Variants in SYNE2 observed in about 807,000 individuals in gnomAD.
SYNE2 encodes spectrin repeat containing nuclear envelope protein 2, also known as nesprin-2.
In SYNE2, 431 loss-of-function variants were observed where a neutral mutation model predicts 856.3. That is an observed-to-expected ratio of 0.50 (90% CI 0.47 to 0.55). The LOEUF (loss-of-function observed/expected upper bound fraction) is 0.55, where lower values mean the gene tolerates loss of function less well. SYNE2 is among the 20% of genes least tolerant of loss of function. The pLI, the probability that SYNE2 is intolerant of heterozygous loss-of-function variation, is 0.00. For missense variants in SYNE2, 8,129 were observed against 8,023.2 expected, an observed-to-expected ratio of 1.01 and a Z score of -0.50; for synonymous variants, 2,923 against 2,872.3, an observed-to-expected ratio of 1.02 and a Z score of -0.56.
At chr14:64,028,032 C>T (rs573824325) in intron 43 of SYNE2, among the ~76,000 whole-genome samples, 7 of 152,028 alleles carry the variant, frequency 4.6e-5, no homozygotes, top group Middle Eastern at 3.4e-3. Context: ...TTCAGCCTCC[C>T]GGGTTGGGAC....
At chr14:63,899,713 G>T (rs1176407480) in intron 1 of SYNE2, among the ~76,000 whole-genome samples, 1 of 152,076 alleles carries the variant, frequency 6.6e-6, no homozygotes, top group African/African-American at 2.4e-5. Context: ...TGTTGCCTAG[G>T]CTGGTCTAGA....
In SYNE2 at chr14:63,994,054, T is replaced by A. The variant is rs867776099; in HGVS notation, c.2781+85T>A. 6 of 1,426,034 alleles carry A rather than the reference T, an allele frequency of 4.2e-6. No homozygotes were observed. The Middle Eastern group carries it at 8.9e-4, about 211-fold the overall frequency. The allele number at this position is 1,426,034 out of a possible 1,614,324, so 88.3% of individuals were successfully genotyped here. A position where few individuals can be genotyped will look rare whatever the true frequency, so the allele number is the denominator to read the frequency against. ...GTTGTCAGAGCCATTCCTGGGGTTTTCCTGTCTACGTTGTATCACCAGTGG... is the reference window on the plus strand; with the variant it reads ...GTTGTCAGAGCCATTCCTGGGGTTTACCTGTCTACGTTGTATCACCAGTGG... On this transcript the variant is annotated intron_variant, in intron 22 of 115. Coordinates refer to ENST00000555002, the MANE Select transcript of SYNE2 (RefSeq NM_182914.3).
chr14:63,807,820 TA>T (rs1888427552), intron 1 of SYNE2, among the ~76,000 whole-genome samples: 1 of 8,458 alleles, frequency 1.2e-4, no homozygotes, highest in African/African-American at 7.6e-4. Flanking sequence ...ACTCCAGGCT[TA>T]TATATATATA....
intron 1 of SYNE2, among the ~76,000 whole-genome samples, chr14:63,856,187 T>G (rs1891683924): frequency 6.6e-6 from 1 of 152,162 alleles, no homozygotes; most frequent in Non-Finnish European, 1.5e-5. Flanking sequence ...AGGGTGGAAA[T>G]CAGGTGTCAG....
intron 1 of SYNE2, among the ~76,000 whole-genome samples, chr14:63,768,331 T>G (rs1245623826): frequency 6.6e-6 from 1 of 152,080 alleles, no homozygotes; most frequent in Admixed American, 6.6e-5. Context: ...AAAAATCCAG[T>G]AAAAAACGTC....
Position 64,048,030 on chromosome 14 carries a change from C to G in SYNE2, c.7252C>G (p.Gln2418Glu). 6.2e-7 allele frequency: 1 copy of G among 1,613,794 alleles called. No individual in the cohort carries two copies. The highest frequency in any genetic ancestry group is 8.5e-7 in the Non-Finnish European group (1 of 1,179,842). ...DSAVEMAMSK[Q>E]LSLNAQESMK... is the part of the protein sequence containing the mutation. ...AGCTGTGGAAATGGCTATGTCAAAA[C>G]AACTTTCTCTTAATGCTCAAGAAAG... The change falls in exon 46 of 116, where the codon CAA (glutamine) becomes GAA (glutamate). Residue 2418 changes from glutamine (Q) to glutamate (E), a missense_variant. Around this residue, in one of 3 missense-constraint regions of SYNE2, gnomAD observed 5,410 missense variants for 5,284.8 expected, o/e 1.02. Transcript: ENST00000555002.
Position 64,052,520 on chromosome 14 carries a change from A to G in SYNE2, c.8607A>G (p.Glu2869=), listed in dbSNP as rs1169562361. ...TGGAGACAGCTGCCACGGAAGCTGA[A>G]CTAAAACATCACCATGTTACTTTGG... The part of the protein sequence containing the change: ...PRVETAATEA[E]LKHHHVTLEA... Residue 2869 remains glutamate (E), a synonymous_variant, in exon 48 of 116, where the codon GAA becomes GAG. Coordinates refer to ENST00000555002, the MANE Select transcript of SYNE2 (RefSeq NM_182914.3). 1.9e-6 allele frequency: 3 copies of G among 1,614,046 alleles called. No homozygotes were observed. The African/African-American group carries it at 4.0e-5, about 22-fold the overall frequency.
At chr14:63,980,884 A>G in intron 15 of SYNE2, 102 bp from the exon 16 acceptor site, 1 of 1,046,698 alleles carries the variant, frequency 9.6e-7, no homozygotes, top group Non-Finnish European at 1.4e-6. Context: ...TTGTCAGAGT[A>G]CATATTATTT....
chr14:64,077,905 A>G (rs2097481231), intron 54 of SYNE2, among the ~76,000 whole-genome samples: 1 of 152,208 alleles, frequency 6.6e-6, no homozygotes, highest in Non-Finnish European at 1.5e-5. Flanking sequence ...ACATCTACAA[A>G]TGGTTACACA....
chr14:64,091,133 A>G (rs2097609303), intron 60 of SYNE2, 85 bp downstream of exon 60: 1 of 1,241,404 alleles, frequency 8.1e-7, no homozygotes, highest in African/African-American at 1.5e-5. Context: ...ATTGAAATTC[A>G]TTATTATCCT....
intron 1 of SYNE2, among the ~76,000 whole-genome samples, chr14:63,825,926 C>A (rs1420984808): frequency 2.0e-5 from 3 of 152,058 alleles, no homozygotes; most frequent in African/African-American, 7.2e-5. Flanking sequence ...ATAGCCCATA[C>A]TCATGGACTG....
chr14:64,042,042 A>G (rs1326275642), intron 45 of SYNE2, among the ~76,000 whole-genome samples: 1 of 152,234 alleles, frequency 6.6e-6, no homozygotes, highest in Non-Finnish European at 1.5e-5. Flanking sequence ...GAAGAATCAT[A>G]CAAGGGTATA....
In SYNE2 at chr14:63,982,777, G is replaced by A. The variant is rs770201996; in HGVS notation, c.1984G>A (p.Val662Ile). 2 of 1,613,928 alleles carry A rather than the reference G, an allele frequency of 1.2e-6. No homozygotes were observed. The highest frequency in any genetic ancestry group is 2.2e-5 in the South Asian group (2 of 91,082). The part of the protein sequence containing the change: ...RRLNKRWRKL[V>I]SKTQLEMNLP... ...GCTGAATAAAAGATGGAGAAAGTTG[G>A]TTTCAAAAACTCAACTTGTAAGTTC... The change falls in exon 17 of 116, where the codon GTT (valine) becomes ATT (isoleucine). Residue 662 changes from valine to isoleucine, a missense_variant. Physicochemically the swap from Val to Ile is conservative, Grantham distance 29 (BLOSUM62 3). Coordinates refer to ENST00000555002, the MANE Select transcript of SYNE2 (RefSeq NM_182914.3).
chr14:64,167,758 C>G, intron 92 of SYNE2, 119 bp downstream of exon 92: 1 of 1,368,644 alleles, frequency 7.3e-7, no homozygotes, highest in Admixed American at 2.0e-5. Context: ...GAATGTATAC[C>G]TTTAAGCAAA....
chr14:63,827,556 C>T (rs1429279812), intron 1 of SYNE2, among the ~76,000 whole-genome samples: 1 of 117,584 alleles, frequency 8.5e-6, no homozygotes, highest in African/African-American at 3.2e-5. Context: ...ACTTGGGAGG[C>T]GGAAGTTGTG....
chr14:63,926,658 C>T (rs1412003014), intron 2 of SYNE2, among the ~76,000 whole-genome samples: 2 of 152,300 alleles, frequency 1.3e-5, no homozygotes, highest in Non-Finnish European at 2.9e-5. Context: ...AGTAGGGGTA[C>T]TTAATCCTCC....
At chr14:64,141,311 A>G in intron 80 of SYNE2, 30 bp from the exon 81 acceptor site, 1 of 1,586,026 alleles carries the variant, frequency 6.3e-7, no homozygotes, top group Non-Finnish European at 8.6e-7. Flanking sequence ...TTTAAATTTT[A>G]AGTTTCTAAA....
chr14:63,916,574 GA>G (rs1214709779), intron 2 of SYNE2, among the ~76,000 whole-genome samples: 2 of 152,116 alleles, frequency 1.3e-5, no homozygotes, highest in African/African-American at 4.8e-5. Flanking sequence ...AAAGTTCTAT[GA>G]AGTACCCCAA....
At chr14:63,929,199 C>T (rs1421833167) in intron 2 of SYNE2, among the ~76,000 whole-genome samples, 1 of 152,010 alleles carries the variant, frequency 6.6e-6, no homozygotes, top group African/African-American at 2.4e-5. Context: ...AAATTTGGAA[C>T]TCTTCCCACC....
Sources: gnomAD v4.1 joint callset for allele counts (sites outside exome capture counted in the v4.1 genomes callset) on GRCh38, gnomAD v4.1.1 for gene constraint, gnomAD v4.1.1 regional missense constraint, MANE v1.5 for transcripts, NCBI Gene and HGNC (gene_info 2026-07-23, HGNC 2026-07-21) for gene names.